The following GRIK4 variants were observed in gnomAD, a reference collection of about 807,000 sequenced individuals.
GRIK4 encodes the protein glutamate receptor ionotropic, kainate 4.
In GRIK4, 40 loss-of-function variants were observed where a neutral mutation model predicts 104.9. The observed-to-expected ratio is 0.38, with a 90% CI of 0.30 to 0.50. The LOEUF is 0.50. Ranked by LOEUF, GRIK4 falls within the 20% of genes least tolerant of loss-of-function variation. The pLI is 0.93. For synonymous variants in GRIK4, 485 were observed against 524.9 expected (o/e 0.92, Z 1.04); for missense variants, 1,047 against 1,308.1 (o/e 0.80, Z 3.08).
At chr11:120,629,602 C>T (rs1189410636) in intron 1 of GRIK4, among the ~76,000 whole-genome samples, 1 of 152,064 alleles carries the variant, frequency 6.6e-6, no homozygotes, top group Non-Finnish European at 1.5e-5. Context: ...TCTGGCCAAT[C>T]CCTGTCCCCA....
At chr11:120,944,219 C>T (rs1383184157) in intron 14 of GRIK4, among the ~76,000 whole-genome samples, 1 of 126,728 alleles carries the variant, frequency 7.9e-6, no homozygotes, top group African/African-American at 2.9e-5. Flanking sequence ...CTCTCTCTCT[C>T]TTTTTGTCTT....
chr11:120,870,129 T>G (rs1181601409), intron 9 of GRIK4: 1 of 152,200 alleles, frequency 6.6e-6, no homozygotes, highest in Non-Finnish European at 1.5e-5. Flanking sequence ...AGTTCATGGC[T>G]CATTGTTTCA....
chr11:120,646,661 G>A (rs952385608), intron 1 of GRIK4, among the ~76,000 whole-genome samples: 1 of 152,106 alleles, frequency 6.6e-6, no homozygotes, highest in Admixed American at 6.5e-5. Context: ...ATTGTCCTAG[G>A]TGTTTTGAAG....
intron 7 of GRIK4, among the ~76,000 whole-genome samples, chr11:120,832,736 A>C (rs1827654687): frequency 1.3e-5 from 2 of 152,152 alleles, no homozygotes; most frequent in Non-Finnish European, 2.9e-5. Flanking sequence ...CACACTGGAA[A>C]CCAGAACTCT....
intron 3 of GRIK4, among the ~76,000 whole-genome samples, chr11:120,684,369 G>T (rs1435053607): frequency 6.6e-6 from 1 of 152,190 alleles, no homozygotes; most frequent in Non-Finnish European, 1.5e-5. Flanking sequence ...AATGGAATAT[G>T]AATTTGATTT....
intron 1 of GRIK4, among the ~76,000 whole-genome samples, chr11:120,540,174 G>A (rs536961375): frequency 1.8e-3 from 273 of 152,300 alleles, no homozygotes; most frequent in Non-Finnish European, 1.7e-3. Context: ...GGTAAGAGGA[G>A]GGCAGCTTGG....
intron 9 of GRIK4, chr11:120,873,807 C>T (rs1182381091): frequency 8.0e-6 from 3 of 373,458 alleles, no homozygotes; most frequent in Non-Finnish European, 1.4e-5. Flanking sequence ...TCATGTGGGG[C>T]CCAAAGGGCC....
At chr11:120,876,864 C>T (rs1954834573) in intron 11 of GRIK4, among the ~76,000 whole-genome samples, 1 of 152,248 alleles carries the variant, frequency 6.6e-6, no homozygotes, top group South Asian at 2.1e-4. Flanking sequence ...GGAACTGATG[C>T]AGTTGTCAAG....
chr11:120,814,549 G>C (rs1031523118), intron 4 of GRIK4, among the ~76,000 whole-genome samples: 1 of 152,098 alleles, frequency 6.6e-6, no homozygotes, highest in Non-Finnish European at 1.5e-5. Flanking sequence ...AGCCGAGATC[G>C]CACCACACCA....
intron 1 of GRIK4, among the ~76,000 whole-genome samples, chr11:120,558,593 C>T (rs924235426): frequency 2.0e-5 from 3 of 152,108 alleles, no homozygotes; most frequent in Admixed American, 2.0e-4. Flanking sequence ...GTCTCAAAAA[C>T]CAAACCAAAC....
chr11:120,765,253 A>G (rs1951816213), intron 3 of GRIK4, among the ~76,000 whole-genome samples: 1 of 151,346 alleles, frequency 6.6e-6, no homozygotes, highest in African/African-American at 2.4e-5. Context: ...CGGTTTGGCT[A>G]TTGATCCTTG....
chr11:120,552,010 T>G (rs948371325), intron 1 of GRIK4, among the ~76,000 whole-genome samples: 5 of 152,254 alleles, frequency 3.3e-5, no homozygotes, highest in African/African-American at 1.2e-4. Context: ...GTAATATCCT[T>G]TATAATAAAC....
At chr11:120,611,034 C>T (rs1290769351) in intron 1 of GRIK4, among the ~76,000 whole-genome samples, 2 of 152,180 alleles carry the variant, frequency 1.3e-5, no homozygotes, top group South Asian at 2.1e-4. Flanking sequence ...GCCCAGTGAG[C>T]GGACAAGACT....
At chr11:120,895,775 A>G (rs1002068264) in intron 11 of GRIK4, among the ~76,000 whole-genome samples, 10 of 152,208 alleles carry the variant, frequency 6.6e-5, no homozygotes, top group African/African-American at 2.2e-4. Context: ...ACTACTCGAA[A>G]GGGTTGATGG....
chr11:120,692,127 T>A (rs1227177661), intron 3 of GRIK4, among the ~76,000 whole-genome samples: 1 of 152,208 alleles, frequency 6.6e-6, no homozygotes, highest in African/African-American at 2.4e-5. Flanking sequence ...TGGCCAAGTG[T>A]CAGTGGTACC....
intron 4 of GRIK4, among the ~76,000 whole-genome samples, chr11:120,804,452 C>G (rs566680662): frequency 1.8e-4 from 27 of 152,290 alleles, no homozygotes; most frequent in Middle Eastern, 3.4e-3. Context: ...CAGCCTTTCT[C>G]CCTCTCACAG....
intron 3 of GRIK4, among the ~76,000 whole-genome samples, chr11:120,676,802 A>G (rs1950105578): frequency 6.6e-6 from 1 of 152,234 alleles, no homozygotes; most frequent in Non-Finnish European, 1.5e-5. Flanking sequence ...TGTCCAAACC[A>G]TAGCACCATG....
At chr11:120,627,267 A>G (rs1199793328) in intron 1 of GRIK4, among the ~76,000 whole-genome samples, 4 of 152,210 alleles carry the variant, frequency 2.6e-5, no homozygotes, top group African/African-American at 7.2e-5. Flanking sequence ...CATTCTCGCC[A>G]TTTACTTACA....
At chr11:120,515,016 C>T (rs1285218629) in intron 1 of GRIK4, 2 of 456,722 alleles carry the variant, frequency 4.4e-6, no homozygotes, top group Admixed American at 4.7e-5. Flanking sequence ...GACCCTGTCT[C>T]AGCAGCCGTC....
Sources: gnomAD v4.1 joint callset for allele counts (sites outside exome capture counted in the v4.1 genomes callset) on GRCh38, gnomAD v4.1.1 for gene constraint, MANE v1.5 for transcripts, NCBI Gene and HGNC (gene_info 2026-07-23, HGNC 2026-07-21) for gene names.